The following ADCY2 variants were observed in gnomAD, a reference collection of about 807,000 sequenced individuals.
The protein encoded by ADCY2 is adenylate cyclase 2, also known as adenylate cyclase type 2.
A neutral mutation model predicts 125.2 loss-of-function variants in ADCY2; 31 were observed. That is an observed-to-expected ratio of 0.25 (90% CI 0.19 to 0.33). The LOEUF (loss-of-function observed/expected upper bound fraction) is 0.33. Ranked by LOEUF, ADCY2 falls within the 10% of genes least tolerant of loss-of-function variation. ADCY2 has a pLI of 1.00. For synonymous variants in ADCY2, 512 were observed against 548.4 expected (o/e 0.93, Z 0.93); for missense variants, 904 against 1,418.2 (o/e 0.64, Z 5.82).
chr5:7,777,775 C>T (rs1383604437), intron 18 of ADCY2, among the ~76,000 whole-genome samples: 3 of 152,114 alleles, frequency 2.0e-5, no homozygotes, highest in African/African-American at 7.2e-5. Flanking sequence ...AGAAAAACTT[C>T]GTATCGATGA....
intron 9 of ADCY2, among the ~76,000 whole-genome samples, chr5:7,709,000 C>A (rs1460122654): frequency 6.6e-6 from 1 of 152,076 alleles, no homozygotes; most frequent in Admixed American, 6.5e-5. Context: ...TTCTAAGTCT[C>A]AATTACATGT....
chr5:7,466,736 C>T (rs1742133141), intron 2 of ADCY2, among the ~76,000 whole-genome samples: 1 of 152,130 alleles, frequency 6.6e-6, no homozygotes, highest in Non-Finnish European at 1.5e-5. Context: ...ATAGAGTCCA[C>T]ATCATTTCAA....
chr5:7,707,428 T>C (rs1165459543), intron 8 of ADCY2, among the ~76,000 whole-genome samples: 1 of 152,176 alleles, frequency 6.6e-6, no homozygotes, highest in Non-Finnish European at 1.5e-5. Context: ...TTCAAAGATA[T>C]TCTCATAAAA....
chr5:7,512,217 T>TAAAAA (rs1398702717), intron 2 of ADCY2, among the ~76,000 whole-genome samples: 1 of 8,706 alleles, frequency 1.1e-4, no homozygotes, highest in Non-Finnish European at 1.9e-4. Flanking sequence ...CATGACTCCA[T>TAAAAA]CAAAAAAAAA....
At chr5:7,751,205 T>C (rs1241325489) in intron 15 of ADCY2, among the ~76,000 whole-genome samples, 1 of 152,212 alleles carries the variant, frequency 6.6e-6, no homozygotes, top group Admixed American at 6.5e-5. Context: ...TACTTGTTAT[T>C]TTTCCTTAAC....
intron 3 of ADCY2, among the ~76,000 whole-genome samples, chr5:7,557,201 A>ATATATATATATATATG: frequency 4.3e-5 from 6 of 140,038 alleles, no homozygotes; most frequent in Admixed American, 2.1e-4. Flanking sequence ...TGATATATAT[A>ATATATATATATATATG]ACTCAAGTGA....
intron 1 of ADCY2, among the ~76,000 whole-genome samples, chr5:7,403,724 T>C (rs1004405397): frequency 2.5e-4 from 38 of 152,202 alleles, no homozygotes; most frequent in African/African-American, 9.2e-4. Flanking sequence ...TATAGACACA[T>C]ACACATAAAT....
At chr5:7,788,012 T>C (rs1193891852) in intron 19 of ADCY2, among the ~76,000 whole-genome samples, 1 of 149,312 alleles carries the variant, frequency 6.7e-6, no homozygotes, top group Non-Finnish European at 1.5e-5. Flanking sequence ...GCATCTATCG[T>C]TTTAGTTTGA....
At chr5:7,770,143 A>T (rs1411145622) in intron 17 of ADCY2, among the ~76,000 whole-genome samples, 2 of 152,238 alleles carry the variant, frequency 1.3e-5, no homozygotes, top group Non-Finnish European at 2.9e-5. Context: ...AAATGGACTA[A>T]AAGTATGCTT....
intron 15 of ADCY2, among the ~76,000 whole-genome samples, chr5:7,747,908 G>A (rs1042921173): frequency 1.7e-4 from 26 of 152,278 alleles, no homozygotes; most frequent in African/African-American, 4.3e-4. Context: ...ACCCAAGTGC[G>A]GTTTCCTGGT....
chr5:7,603,795 T>G (rs1561121078), intron 3 of ADCY2, among the ~76,000 whole-genome samples: 39 of 144,130 alleles, frequency 2.7e-4, no homozygotes, highest in Middle Eastern at 7.2e-3. Context: ...TTTTTTTTTT[T>G]TTTTTTTTTT....
chr5:7,777,687 T>G (rs1470177664), intron 18 of ADCY2, among the ~76,000 whole-genome samples: 1 of 152,238 alleles, frequency 6.6e-6, no homozygotes, highest in African/African-American at 2.4e-5. Flanking sequence ...CAGAACCAAC[T>G]TGGCATTGCT....
At chr5:7,456,879 G>A (rs1050101838) in intron 2 of ADCY2, among the ~76,000 whole-genome samples, 1 of 152,166 alleles carries the variant, frequency 6.6e-6, no homozygotes, top group Non-Finnish European at 1.5e-5. Context: ...AGTTTTATAA[G>A]AATAGGATTT....
At chr5:7,440,097 A>T (rs550332952) in intron 2 of ADCY2, among the ~76,000 whole-genome samples, 1 of 152,152 alleles carries the variant, frequency 6.6e-6, no homozygotes, top group Non-Finnish European at 1.5e-5. Flanking sequence ...GAGAGAATTT[A>T]AAAATGATAA....
At chr5:7,406,598 T>C (rs1362173674) in intron 1 of ADCY2, among the ~76,000 whole-genome samples, 1 of 152,230 alleles carries the variant, frequency 6.6e-6, no homozygotes, top group African/African-American at 2.4e-5. Context: ...ATGTGGCCTT[T>C]GAATCTTCCC....
rs76031038 is a variant in ADCY2, at chr5:7,640,104, C to T, written c.720+13788C>T. On this transcript the variant is annotated intron_variant, in intron 4 of 24. Coordinates refer to ENST00000338316, the MANE Select transcript of ADCY2 (RefSeq NM_020546.3). ...ACTTGGCTGAGGGATACAGTTGTGA[C>T]GACAGTTTGCAGGATAATGAATCTT... 3.9e-3 allele frequency among the ~76,000 whole-genome samples: 600 copies of T among 152,192 alleles called. 4 individuals are homozygous for T. Among genetic ancestry groups the T allele is most frequent in the African/African-American group, 0.013 (544 of 41,524 alleles).
intron 4 of ADCY2, among the ~76,000 whole-genome samples, chr5:7,667,986 G>T (rs1739815140): frequency 1.3e-5 from 2 of 152,144 alleles, no homozygotes; most frequent in South Asian, 4.2e-4. Flanking sequence ...AATAAGACAG[G>T]AAAAATGAAT....
chr5:7,532,342 G>T (rs4701786), intron 3 of ADCY2, among the ~76,000 whole-genome samples: 3 of 152,036 alleles, frequency 2.0e-5, no homozygotes, highest in Non-Finnish European at 4.4e-5. Flanking sequence ...CCACTTGTGA[G>T]TTCTCTCATT....
At chr5:7,503,348 G>A (rs774193474) in intron 2 of ADCY2, among the ~76,000 whole-genome samples, 78 of 152,328 alleles carry the variant, frequency 5.1e-4, no homozygotes, top group Non-Finnish European at 8.8e-4. Context: ...CATCACCACA[G>A]ATGCAGAGGT....
Sources: gnomAD v4.1 joint callset for allele counts (sites outside exome capture counted in the v4.1 genomes callset) on GRCh38, gnomAD v4.1.1 for gene constraint, MANE v1.5 for transcripts, NCBI Gene and HGNC (gene_info 2026-07-23, HGNC 2026-07-21) for gene names.